The following CHAF1A variants were observed in gnomAD, a reference collection of about 807,000 sequenced individuals.
CHAF1A encodes the protein CAF-1 subunit A.
A neutral mutation model predicts 93.2 loss-of-function variants in CHAF1A; 5 were observed. The observed-to-expected ratio is 0.05, with a 90% CI of 0.03 to 0.11. The LOEUF (loss-of-function observed/expected upper bound fraction) is 0.11, where lower values mean the gene tolerates loss of function less well. Among genes scored for constraint, CHAF1A ranks in the 10% least tolerant of loss-of-function variants. CHAF1A has a pLI of 1.00. For missense variants in CHAF1A, 1,102 were observed against 1,259.9 expected, an observed-to-expected ratio of 0.87 and a Z score of 1.90; for synonymous variants, 504 against 510.3, an observed-to-expected ratio of 0.99 and a Z score of 0.17.
At chr19:4,424,614 G>A (rs1426881153) in intron 7 of CHAF1A, among the ~76,000 whole-genome samples, 4 of 151,982 alleles carry the variant, frequency 2.6e-5, no homozygotes, top group African/African-American at 9.7e-5. Context: ...ACAGGCATGT[G>A]CCACCATGCC....
chr19:4,445,548 C>T (rs748257663), downstream of CHAF1A: 2 of 1,613,886 alleles, frequency 1.2e-6, no homozygotes, highest in Non-Finnish European at 1.7e-6. Context: ...AGGATGGAGT[C>T]CGGCTCGGCC....
In CHAF1A at chr19:4,443,008, C is replaced by T. The variant is rs766149951; in HGVS notation, c.2854C>T (p.Pro952Ser). Residue 952 changes from proline to serine, a missense_variant, in exon 15 of 15, where the codon CCA becomes TCA. Pro to Ser is a moderately conservative substitution (Grantham distance 74). Transcript: ENST00000301280. ...CGGCAAGGCCACCCTGACCGCGAGC[C>T]CACTGGGTGCATCCTGAGAGCAGGG... ...DTGKATLTASPLGAS is the reference protein window; with the variant it reads ...DTGKATLTASSLGAS 4.4e-6 allele frequency: 7 copies of T among 1,591,732 alleles called. No homozygotes were observed. Among genetic ancestry groups the T allele is most frequent in the African/African-American group, 1.3e-5 (1 of 74,706 alleles).
chr19:4,446,691 G>C (rs140698840), downstream of CHAF1A: 3 of 1,610,914 alleles, frequency 1.9e-6, no homozygotes, highest in Non-Finnish European at 1.7e-6. Context: ...AGGTGGTCTC[G>C]CTCAGCACGT....
chr19:4,449,741 G>A (rs1236760653), downstream of CHAF1A: 2 of 152,218 alleles, frequency 1.3e-5, no homozygotes, highest in Non-Finnish European at 2.9e-5. Flanking sequence ...AATGTACTTT[G>A]TGAGAAAGGT....
rs926258126 is a variant in CHAF1A at position 4,424,006 on chromosome 19, C to G, written c.1377+132C>G. 8.0e-6 allele frequency: 6 copies of G among 752,156 alleles called. No homozygotes were observed. In the Admixed American group the frequency reaches 8.0e-5, roughly 10 times the overall value. The allele number at this position is 752,156 out of a possible 1,614,324, so 46.6% of individuals were successfully genotyped here. On this transcript the variant is annotated intron_variant, in intron 7 of 14. Transcript: ENST00000301280. ...GAGCCTCCAGTGACCTAGGGCACTT[C>G]CATTTCTGGTTAAGTCTTGAGGCTC...
chr19:4,447,087 A>G (rs1974548913), downstream of CHAF1A: 4 of 645,804 alleles, frequency 6.2e-6, no homozygotes, highest in Middle Eastern at 8.0e-4. Flanking sequence ...CTGCTTTTCT[A>G]CGGTGGGGGC....
chr19:4,422,792 T>G lies in CHAF1A; in HGVS notation c.1244T>G (p.Leu415Arg). The G allele has an allele frequency of 6.2e-7, 1 of 1,612,200 alleles. No individual in the cohort carries two copies. Among genetic ancestry groups the G allele is most frequent in the Non-Finnish European group, 8.5e-7 (1 of 1,179,602 alleles). The change falls in exon 5 of 15, where the codon CTG becomes CGG. Residue 415 changes from leucine (L) to arginine (R), a missense_variant. This residue lies in a region of CHAF1A where 165 missense variants were observed against 243.9 expected (regional missense o/e 0.68). Coordinates refer to ENST00000301280, the MANE Select transcript of CHAF1A (RefSeq NM_005483.3). The surrounding 1 kb of genome is among the most constrained non-coding windows in gnomAD (Gnocchi z 4.6). ...EERRKERQEA[L>R]EAKLEEKRKK... is the part of the protein sequence containing the mutation. ...CGGCGCAAGGAGAGACAGGAAGCCC[T>G]GGAGTGAGTGTCCTTGGAGGCCATG...
intron 13 of CHAF1A, among the ~76,000 whole-genome samples, chr19:4,434,664 CTT>C (rs142900555): frequency 2.7e-5 from 4 of 149,466 alleles, no homozygotes; most frequent in African/African-American, 9.8e-5. Flanking sequence ...CTTGATAGCT[CTT>C]TTTTTTTTCA....
At chr19:4,414,443 C>A (rs143410286) in intron 3 of CHAF1A, among the ~76,000 whole-genome samples, 69 of 152,048 alleles carry the variant, frequency 4.5e-4, no homozygotes, top group African/African-American at 1.6e-3. Flanking sequence ...ACCTTGAAGC[C>A]CTCTGTTCTC....
intron 4 of CHAF1A, among the ~76,000 whole-genome samples, chr19:4,419,376 G>A (rs1244901353): frequency 6.6e-6 from 1 of 151,990 alleles, no homozygotes; most frequent in South Asian, 2.1e-4. Flanking sequence ...CGTTTCCTGA[G>A]CTTCCTGATG....
intron 2 of CHAF1A, among the ~76,000 whole-genome samples, chr19:4,406,655 G>A (rs985454332): frequency 2.0e-5 from 3 of 152,012 alleles, no homozygotes; most frequent in African/African-American, 7.3e-5. Flanking sequence ...GGATGGTCTC[G>A]ATCTCCTGAC....
chr19:4,447,962 C>T, downstream of CHAF1A: 1 of 499,138 alleles, frequency 2.0e-6, no homozygotes, highest in Non-Finnish European at 3.7e-6. Context: ...CAGGGGGCTC[C>T]TGCGGGGTGC....
chr19:4,442,641 G>A (rs1211418206), intron 14 of CHAF1A, among the ~76,000 whole-genome samples: 1 of 152,238 alleles, frequency 6.6e-6, no homozygotes, highest in Non-Finnish European at 1.5e-5. Context: ...GGGCCAGGTG[G>A]ATTTCTGGAG....
intron 10 of CHAF1A, chr19:4,430,029 C>T: frequency 2.0e-6 from 1 of 494,652 alleles, no homozygotes; most frequent in Non-Finnish European, 3.6e-6. Flanking sequence ...TCCGCATCTG[C>T]ACCGTGGCCC....
chr19:4,409,066 G>A lies in CHAF1A; in HGVS notation c.267G>A (p.Pro89=), dbSNP rs144939143. The change falls in exon 3 of 15, where the codon CCG becomes CCA. Residue 89 remains proline, a synonymous_variant. Coordinates refer to ENST00000301280, the MANE Select transcript of CHAF1A (RefSeq NM_005483.3). The part of the protein sequence containing the change: ...CHVGSDIDFR[P]KLVNGKGPLD... ...TGGGTTCTGACATAGACTTTAGACC[G>A]AAACTTGTCAACGGGAAGGGTCCCT... 5.6e-6 allele frequency: 9 copies of A among 1,614,070 alleles called. No homozygotes were observed. Among genetic ancestry groups the A allele is most frequent in the South Asian group, 4.4e-5 (4 of 91,086 alleles).
At chr19:4,447,823 G>T, downstream of CHAF1A, 1 of 598,372 alleles carries the variant, frequency 1.7e-6, no homozygotes, top group Non-Finnish European at 3.0e-6. Flanking sequence ...CCCACCCCTG[G>T]TGCCAGCAGG....
At chr19:4,442,118 T>G in intron 13 of CHAF1A, 127 bp from the exon 14 acceptor site, 3 of 712,674 alleles carry the variant, frequency 4.2e-6, no homozygotes, top group Non-Finnish European at 5.0e-6. Context: ...GGGTTCTGGA[T>G]GTTGGTTTCC....
intron 1 of CHAF1A, among the ~76,000 whole-genome samples, chr19:4,404,652 T>G (rs777191212): frequency 6.6e-6 from 1 of 152,200 alleles, no homozygotes; most frequent in Non-Finnish European, 1.5e-5. Flanking sequence ...AGCCCCAGTC[T>G]GCTTTTAAAA....
At chr19:4,442,491 C>A in intron 14 of CHAF1A, 150 bp downstream of exon 14, 1 of 701,010 alleles carries the variant, frequency 1.4e-6, no homozygotes, top group Non-Finnish European at 2.5e-6. Context: ...CCTGCCACAT[C>A]CTCGGGCGGG....
Sources: gnomAD v4.1 joint callset for allele counts (sites outside exome capture counted in the v4.1 genomes callset) on GRCh38, gnomAD v4.1.1 for gene constraint, gnomAD v4.1.1 regional missense constraint, Gnocchi (gnomAD v3.1) non-coding constraint, MANE v1.5 for transcripts, NCBI Gene and HGNC (gene_info 2026-07-23, HGNC 2026-07-21) for gene names.